ARHGAP6: variants seen among roughly 807,000 people sequenced by gnomAD.
The protein encoded by ARHGAP6 is Rho GTPase activating protein 6.
A neutral mutation model predicts 55.7 loss-of-function variants in ARHGAP6; 16 were observed. The ratio of observed to expected loss-of-function variants is 0.29; its 90% CI spans 0.19 to 0.44. The LOEUF is 0.44. ARHGAP6 is among the 20% of genes least tolerant of loss of function. The pLI, the probability that ARHGAP6 is intolerant of heterozygous loss-of-function variation, is 1.00. For synonymous variants in ARHGAP6, 382 were observed against 360.9 expected, an observed-to-expected ratio of 1.06 and a Z score of -0.66; for missense variants, 698 against 808.9, an observed-to-expected ratio of 0.86 and a Z score of 1.66.
chrX:11,243,190 A>G (rs983505416), intron 2 of ARHGAP6, among the ~76,000 whole-genome samples: 6 of 111,800 alleles, frequency 5.4e-5, no homozygotes, highest in African/African-American at 2.0e-4. Context: ...GTTCTTCCGT[A>G]TACCAGTAGT....
chrX:11,593,128 C>A (rs2051857120), intron 1 of ARHGAP6, among the ~76,000 whole-genome samples: 1 of 112,047 alleles, frequency 8.9e-6, no homozygotes, highest in Non-Finnish European at 1.9e-5. Flanking sequence ...CAACTCTGTA[C>A]ATACTTTGAA....
chrX:11,222,328 T>C (rs1204955747), intron 2 of ARHGAP6, among the ~76,000 whole-genome samples: 2 of 112,153 alleles, frequency 1.8e-5, no homozygotes, highest in African/African-American at 6.5e-5. Context: ...ATATAAGCAG[T>C]ATATTTGGAA....
At chrX:11,329,175 T>C (rs2048533386) in intron 1 of ARHGAP6, among the ~76,000 whole-genome samples, 2 of 111,961 alleles carry the variant, frequency 1.8e-5, no homozygotes, top group South Asian at 7.5e-4. Context: ...CCAGGCAATG[T>C]TGGCACCAGA....
chrX:11,368,202 C>T (rs1025238135), intron 1 of ARHGAP6, among the ~76,000 whole-genome samples: 3 of 112,438 alleles, frequency 2.7e-5, no homozygotes, highest in East Asian at 5.5e-4. Context: ...TTTATCTAAA[C>T]GGATGCATCT....
chrX:11,218,365 G>T (rs1441052532), intron 2 of ARHGAP6, among the ~76,000 whole-genome samples: 3 of 111,728 alleles, frequency 2.7e-5, no homozygotes, highest in Non-Finnish European at 5.6e-5. Context: ...TTTTCCATTT[G>T]TGTCCTCTCT....
chrX:11,146,081 TG>T (rs2045686686), intron 10 of ARHGAP6, among the ~76,000 whole-genome samples: 1 of 112,244 alleles, frequency 8.9e-6, no homozygotes, highest in Non-Finnish European at 1.9e-5. Flanking sequence ...GTCCTGACCT[TG>T]GGGTGACTGA....
At chrX:11,426,445 AT>A (rs2049881059) in intron 1 of ARHGAP6, among the ~76,000 whole-genome samples, 1 of 111,150 alleles carries the variant, frequency 9.0e-6, no homozygotes, top group African/African-American at 3.3e-5. Flanking sequence ...ATAAATATTA[AT>A]GATTCTTGTC....
intron 1 of ARHGAP6, among the ~76,000 whole-genome samples, chrX:11,328,297 A>C (rs1464247767): frequency 1.8e-5 from 2 of 112,196 alleles, no homozygotes; most frequent in African/African-American, 6.5e-5. Flanking sequence ...GTGGACCAGC[A>C]TAGGGCTGGA....
chrX:11,480,659 T>A (rs1411390035), intron 1 of ARHGAP6, among the ~76,000 whole-genome samples: 1 of 112,671 alleles, frequency 8.9e-6, no homozygotes, highest in Non-Finnish European at 1.9e-5. Context: ...TAAGTAATCA[T>A]TACAGTTTTA....
chrX:11,325,387 T>C (rs2048486046), intron 1 of ARHGAP6, among the ~76,000 whole-genome samples: 1 of 112,423 alleles, frequency 8.9e-6, no homozygotes, highest in Non-Finnish European at 1.9e-5. Flanking sequence ...TGCAACATGC[T>C]TACTTCAATA....
chrX:11,224,675 A>T (rs1383943596), intron 2 of ARHGAP6, among the ~76,000 whole-genome samples: 3 of 110,302 alleles, frequency 2.7e-5, no homozygotes, highest in Non-Finnish European at 5.7e-5. Context: ...GGGGGCGGTT[A>T]TGATGACTGG....
At chrX:11,152,104 G>A (rs892114456) in intron 10 of ARHGAP6, among the ~76,000 whole-genome samples, 4 of 111,784 alleles carry the variant, frequency 3.6e-5, no homozygotes, top group Non-Finnish European at 7.5e-5. Flanking sequence ...TATTTAAGTT[G>A]GTGCTACTTT....
At chrX:11,518,612 C>T (rs960955971) in intron 1 of ARHGAP6, among the ~76,000 whole-genome samples, 2 of 107,274 alleles carry the variant, frequency 1.9e-5, no homozygotes, top group African/African-American at 6.8e-5. Flanking sequence ...TCCTCAAGGC[C>T]TCCCTTGCAA....
intron 1 of ARHGAP6, chrX:11,299,009 T>A: frequency 1.7e-6 from 2 of 1,195,893 alleles, no homozygotes; most frequent in Non-Finnish European, 2.3e-6. Flanking sequence ...ATGCAAATCC[T>A]GTGAAAATGG....
intron 1 of ARHGAP6, among the ~76,000 whole-genome samples, chrX:11,342,546 G>A (rs1022670274): frequency 1.8e-5 from 2 of 111,842 alleles, no homozygotes; most frequent in Non-Finnish European, 3.8e-5. Flanking sequence ...CAATGAAAGT[G>A]TCATTATCAC....
chrX:11,271,076 A>C (rs772571771), intron 1 of ARHGAP6, among the ~76,000 whole-genome samples: 1 of 111,928 alleles, frequency 8.9e-6, no homozygotes, highest in South Asian at 3.8e-4. Flanking sequence ...AGGTTTCTTG[A>C]AATAAGAAGG....
At chrX:11,337,032 A>T (rs1486677773) in intron 1 of ARHGAP6, among the ~76,000 whole-genome samples, 1 of 109,576 alleles carries the variant, frequency 9.1e-6, no homozygotes, top group Non-Finnish European at 1.9e-5. Flanking sequence ...TCTCCACAGG[A>T]CTCCTACAGC....
At chrX:11,583,613 T>A (rs1365243461) in intron 1 of ARHGAP6, among the ~76,000 whole-genome samples, 13 of 112,323 alleles carry the variant, frequency 1.2e-4, no homozygotes, top group Non-Finnish European at 1.9e-5. Flanking sequence ...ACTTAGCCAA[T>A]AAGTGTTTTT....
intron 1 of ARHGAP6, among the ~76,000 whole-genome samples, chrX:11,362,115 G>T (rs1364969655): frequency 8.9e-6 from 1 of 111,870 alleles, no homozygotes; most frequent in Non-Finnish European, 1.9e-5. Flanking sequence ...CAGGGATCTA[G>T]AACTAGAAAC....
Sources: allele counts gnomAD v4.1 joint callset (sites outside exome capture counted in the v4.1 genomes callset), GRCh38; gene constraint gnomAD v4.1.1; transcripts MANE v1.5; gene names NCBI Gene and HGNC (gene_info 2026-07-23, HGNC 2026-07-21).